Variants in NUDCD3 observed in about 807,000 individuals in gnomAD.
NUDCD3 encodes nudC domain-containing protein 3.
Under a neutral mutation model 39.7 loss-of-function variants are expected in NUDCD3, and 13 were observed. The ratio of observed to expected loss-of-function variants is 0.33; its 90% CI spans 0.21 to 0.52. The LOEUF (loss-of-function observed/expected upper bound fraction) is 0.52, where lower values mean the gene tolerates loss of function less well. Among genes scored for constraint, NUDCD3 ranks in the 20% least tolerant of loss-of-function variants. The pLI is 0.96. For missense variants in NUDCD3, 453 were observed against 458.1 expected (o/e 0.99, Z 0.10); for synonymous variants, 175 against 172.4 (o/e 1.02, Z -0.12).
At chr7:44,426,744 T>C (rs1157063399) in intron 3 of NUDCD3, among the ~76,000 whole-genome samples, 2 of 141,338 alleles carry the variant, frequency 1.4e-5, no homozygotes, top group Non-Finnish European at 1.5e-5. Context: ...TGCAGTGAGC[T>C]GAGATCCCGC....
chr7:44,431,962 G>A lies in NUDCD3; in HGVS notation c.510-4259C>T, dbSNP rs141503983. On this transcript the variant is annotated intron_variant, in intron 2 of 5. Transcript: ENST00000355451. ...GCTGGGATTACGTGCGTGGGCCACC[G>A]TGCCCAGCCTCCTTCCATTTGTTTT... Among the ~76,000 whole-genome samples the A allele has an allele frequency of 2.6e-3, 402 of 152,198 alleles. 3 individuals are homozygous for A. The highest frequency in any genetic ancestry group is 0.017 in the Middle Eastern group (5 of 294).
At chr7:44,420,768 G>A (rs985448388) in intron 3 of NUDCD3, among the ~76,000 whole-genome samples, 14 of 152,176 alleles carry the variant, frequency 9.2e-5, no homozygotes, top group Non-Finnish European at 1.5e-4. Flanking sequence ...AAGTGAAGGT[G>A]AAATAAAATC....
At chr7:44,387,129 A>G (rs1447040416) in intron 5 of NUDCD3, among the ~76,000 whole-genome samples, 1 of 152,182 alleles carries the variant, frequency 6.6e-6, no homozygotes, top group African/African-American at 2.4e-5. Context: ...CCTTAAATAA[A>G]ACATAATCTT....
intron 3 of NUDCD3, among the ~76,000 whole-genome samples, chr7:44,420,095 A>C (rs2116892333): frequency 6.6e-6 from 1 of 152,210 alleles, no homozygotes; most frequent in Middle Eastern, 3.4e-3. Context: ...AAAGCTAAGA[A>C]CCTTGACAAA....
chr7:44,455,730 T>C (rs962238671), intron 2 of NUDCD3, among the ~76,000 whole-genome samples: 22 of 152,152 alleles, frequency 1.4e-4, no homozygotes, highest in African/African-American at 5.3e-4. Context: ...GACACAACTT[T>C]GCAGCCTTGA....
intron 1 of NUDCD3, among the ~76,000 whole-genome samples, chr7:44,486,517 A>AG (rs1800613512): frequency 2.0e-5 from 3 of 151,602 alleles, no homozygotes; most frequent in Non-Finnish European, 2.9e-5. Context: ...ATGTAGGCAG[A>AG]GGGGAAAAAA....
intron 2 of NUDCD3, among the ~76,000 whole-genome samples, chr7:44,438,099 CAATCCCA>C (rs1799499844): frequency 6.6e-6 from 1 of 152,042 alleles, no homozygotes; most frequent in South Asian, 2.1e-4. Flanking sequence ...CTTACGCCTG[CAATCCCA>C]GCTACTCAGG....
rs571680949 is a variant in NUDCD3, at chr7:44,426,228, G to A, written c.642+1343C>T. 10 of 886,446 alleles carry A rather than the reference G, an allele frequency of 1.1e-5. No individual in the cohort carries two copies. The African/African-American group carries it at 1.8e-4, about 16-fold the overall frequency. The allele number at this position is 886,446 out of a possible 1,614,324, so 54.9% of individuals were successfully genotyped here. ...TAAATTTTGTGTTTGTTGCTGAGGG[G>A]AACAAAGGCCCACAGCCTGACACCT... On this transcript the variant is annotated intron_variant, in intron 3 of 5. Transcript: ENST00000355451.
At chr7:44,388,761 G>A (rs546824812) in intron 5 of NUDCD3, among the ~76,000 whole-genome samples, 2 of 152,302 alleles carry the variant, frequency 1.3e-5, no homozygotes, top group South Asian at 2.1e-4. Flanking sequence ...ACCTACCCCC[G>A]CGCCACCAGC....
chr7:44,482,082 A>G (rs1284477897), intron 2 of NUDCD3, among the ~76,000 whole-genome samples: 2 of 152,226 alleles, frequency 1.3e-5, no homozygotes, highest in Admixed American at 6.5e-5. Flanking sequence ...ATGACAAACA[A>G]CTTTGTATAT....
chr7:44,434,503 T>C (rs1005336536), intron 2 of NUDCD3, among the ~76,000 whole-genome samples: 2 of 152,212 alleles, frequency 1.3e-5, no homozygotes, highest in Non-Finnish European at 2.9e-5. Context: ...GCTCCTTTCA[T>C]TGTTGTGGAT....
intron 2 of NUDCD3, among the ~76,000 whole-genome samples, chr7:44,462,362 T>G (rs895869541): frequency 2.0e-5 from 3 of 152,186 alleles, no homozygotes; most frequent in African/African-American, 7.2e-5. Context: ...GTAACCATAA[T>G]GTGTGCCACT....
rs189900651 is a variant in NUDCD3, at chr7:44,490,560, A to C, written c.41T>G (p.Leu14Trp). 7.5e-4 allele frequency: 1,207 copies of C among 1,612,030 alleles called. 6 individuals carry two copies. The highest frequency in any genetic ancestry group is 3.8e-4 in the Non-Finnish European group (452 of 1,179,126). Reference protein sequence around the residue: ...GAAELYDQALLGILQHVGNVQ... With the variant: ...GAAELYDQALWGILQHVGNVQ... Reference sequence around the variant, plus strand: ...GTTGCCCACGTGCTGCAGGATGCCCAAAAGGGCCTGGTCATACAGCTCGGC... The same window carrying C: ...GTTGCCCACGTGCTGCAGGATGCCCCAAAGGGCCTGGTCATACAGCTCGGC... Residue 14 changes from leucine to tryptophan, a missense_variant, in exon 1 of 6, where the codon TTG becomes TGG. Transcript: ENST00000355451.
intron 2 of NUDCD3, among the ~76,000 whole-genome samples, chr7:44,432,533 G>A (rs542285311): frequency 5.9e-5 from 9 of 152,348 alleles, no homozygotes; most frequent in African/African-American, 1.9e-4. Context: ...GTCACAGCCA[G>A]TGATTCCAAA....
At position 44,392,399 on chromosome 7, in the gene NUDCD3, C is replaced by A; in HGVS notation, c.873G>T (p.Glu291Asp). The change falls in exon 5 of 6, where the codon GAG becomes GAT. Residue 291 changes from glutamate (E) to aspartate (D), a missense_variant. Glu to Asp is a conservative substitution (Grantham distance 45, BLOSUM62 2). Transcript: ENST00000355451. The part of the protein sequence containing the change: ...EPIDIDKINK[E>D]RSMATVDEEE... ...CCTCATCCACGGTGGCCATGGAGCGCTCCTTGTTGATCTTGTCAATGTCGA... is the reference window on the plus strand; with the variant it reads ...CCTCATCCACGGTGGCCATGGAGCGATCCTTGTTGATCTTGTCAATGTCGA... The A allele has an allele frequency of 6.2e-7, 1 of 1,614,166 alleles. No homozygotes were observed. Among genetic ancestry groups the A allele is most frequent in the Non-Finnish European group, 8.5e-7 (1 of 1,180,012 alleles).
intron 2 of NUDCD3, among the ~76,000 whole-genome samples, chr7:44,437,689 A>G (rs1799493248): frequency 6.6e-6 from 1 of 152,212 alleles, no homozygotes; most frequent in Non-Finnish European, 1.5e-5. Context: ...TGTGTTTCAC[A>G]TTTTAAAATT....
chr7:44,447,636 T>C (rs554678184), intron 2 of NUDCD3, among the ~76,000 whole-genome samples: 2 of 152,332 alleles, frequency 1.3e-5, no homozygotes, highest in East Asian at 3.9e-4. Flanking sequence ...AGAGCCTTGA[T>C]CTTGGATTTT....
At position 44,383,659 on chromosome 7, in the gene NUDCD3, ACTCTC is replaced by A. The variant is rs1479326818; in HGVS notation, c.*2347_*2351del. 1.3e-5 allele frequency: 2 copies of A among 151,926 alleles called. No homozygotes were observed. Among genetic ancestry groups the A allele is most frequent in the Non-Finnish European group, 2.9e-5 (2 of 68,000 alleles). The allele number at this position is 151,926 out of a possible 1,614,324, so 9.4% of individuals were successfully genotyped here. ...AATAGCTTTGCAGGCTGGACACCTCACTCTCCTCGGGCCCTGGACAAGGGAAATGA... is the reference window on the plus strand; with the variant it reads ...AATAGCTTTGCAGGCTGGACACCTCACTCGGGCCCTGGACAAGGGAAATGA... On this transcript the variant is annotated 3_prime_UTR_variant, in exon 6 of 6. Transcript: ENST00000355451.
chr7:44,415,314 C>G (rs1430229381), intron 3 of NUDCD3, among the ~76,000 whole-genome samples: 1 of 152,228 alleles, frequency 6.6e-6, no homozygotes. Flanking sequence ...TTCCTTGTCT[C>G]TATTCTGTGG....
Sources: allele counts gnomAD v4.1 joint callset (sites outside exome capture counted in the v4.1 genomes callset), GRCh38; gene constraint gnomAD v4.1.1; transcripts MANE v1.5; gene names NCBI Gene and HGNC (gene_info 2026-07-23, HGNC 2026-07-21).